The following CEP43 variants were observed in gnomAD, a reference collection of about 807,000 sequenced individuals.
CEP43 encodes the protein centrosomal protein 43, also known as FGFR1 oncogene partner.
In CEP43, 36 loss-of-function variants were observed where a neutral mutation model predicts 52.6. The observed-to-expected ratio is 0.68, with a 90% CI of 0.52 to 0.90. CEP43 has a LOEUF of 0.90. CEP43 is among the 40% of genes least tolerant of loss of function. The pLI is 0.00. For missense variants in CEP43, 506 were observed against 472.8 expected (o/e 1.07, Z -0.65); for synonymous variants, 192 against 172.4 (o/e 1.11, Z -0.89).
At chr6:167,004,554 A>G (rs574660861) in intron 5 of CEP43, among the ~76,000 whole-genome samples, 153 bp downstream of exon 5, 4 of 152,344 alleles carry the variant, frequency 2.6e-5, no homozygotes, top group African/African-American at 9.6e-5. Context: ...TATCAATGCA[A>G]ATTTTAATGA....
chr6:167,041,887 G>A lies in CEP43; in HGVS notation c.*1909G>A, dbSNP rs573629834. 1.3e-4 allele frequency: 111 copies of A among 826,724 alleles called. No homozygotes were observed. Among genetic ancestry groups the A allele is most frequent in the Middle Eastern group, 5.8e-4 (1 of 1,732 alleles). 51.2% of individuals were successfully genotyped at this position (826,724 alleles called of 1,614,324 possible). ...CACTCAGACTGGAGTACAGTGATGC[G>A]ATCTCGGCTCACTGCAACCTCCGCC... is the stretch of plus-strand genomic sequence containing the variant. On this transcript the variant is annotated 3_prime_UTR_variant, in exon 13 of 13. Coordinates refer to ENST00000366847, the MANE Select transcript of CEP43 (RefSeq NM_007045.4).
At chr6:167,003,701 A>G (rs764358287) in intron 3 of CEP43, 22 bp from the exon 4 acceptor site, 1 of 1,503,558 alleles carries the variant, frequency 6.7e-7, no homozygotes, top group Non-Finnish European at 9.2e-7. Context: ...TTGCTTACTT[A>G]CCTTTTTCTT....
At position 167,046,617 on chromosome 6, in the gene CEP43, C is replaced by G. The variant is rs114928703; in HGVS notation, c.*6639C>G. ...CTTCTGTCCACTCCACCTGCAGATG[C>G]AGAGGTGGCCCCATCCTGTGATGTG... On this transcript the variant is annotated 3_prime_UTR_variant, in exon 13 of 13. Coordinates refer to ENST00000366847, the MANE Select transcript of CEP43 (RefSeq NM_007045.4). 6 of 152,404 alleles carry G rather than the reference C, an allele frequency of 3.9e-5. No homozygotes were observed. Among genetic ancestry groups the G allele is most frequent in the African/African-American group, 1.4e-4 (6 of 41,600 alleles). 9.4% of individuals were successfully genotyped at this position (152,404 alleles called of 1,614,324 possible). A position where few individuals can be genotyped will look rare whatever the true frequency, so the allele number is the denominator to read the frequency against.
At chr6:167,006,795 G>A (rs1321083367) in intron 5 of CEP43, among the ~76,000 whole-genome samples, 1 of 152,168 alleles carries the variant, frequency 6.6e-6, no homozygotes, top group Admixed American at 6.5e-5. Flanking sequence ...TAAGTTCAGT[G>A]TAGTCTGCCT....
intron 2 of CEP43, among the ~76,000 whole-genome samples, chr6:167,002,881 C>T (rs1424737781): frequency 1.3e-5 from 2 of 152,196 alleles, no homozygotes; most frequent in Non-Finnish European, 2.9e-5. Flanking sequence ...AAACTTTTAT[C>T]AAACTTCATG....
rs1780030106 is a variant in CEP43 at position 167,013,581 on chromosome 6, G to A, written c.579+14G>A. The A allele has an allele frequency of 2.5e-6, 4 of 1,612,314 alleles. No individual in the cohort carries two copies. Among genetic ancestry groups the A allele is most frequent in the Middle Eastern group, 1.6e-4 (1 of 6,084 alleles). ...GCTGGTGACAAGGTAACATGCATGA[G>A]GGCAGAGGAGAAAAGCAGCCTGTGG... is the stretch of plus-strand genomic sequence containing the variant. On this transcript the variant is annotated intron_variant, in intron 7 of 12. Coordinates refer to ENST00000366847, the MANE Select transcript of CEP43 (RefSeq NM_007045.4).
At chr6:167,022,739 T>C in intron 8 of CEP43, 104 bp downstream of exon 8, 1 of 791,990 alleles carries the variant, frequency 1.3e-6, no homozygotes. Context: ...TTTATAATTA[T>C]TGGATCCATA....
intron 7 of CEP43, among the ~76,000 whole-genome samples, chr6:167,018,365 C>T (rs1780147844): frequency 6.6e-6 from 1 of 152,102 alleles, no homozygotes; most frequent in Non-Finnish European, 1.5e-5. Context: ...AGAATGAATT[C>T]TAAGGCATTG....
At chr6:167,011,640 G>A (rs1194855557) in intron 6 of CEP43, 1 of 152,698 alleles carries the variant, frequency 6.5e-6, no homozygotes, top group Non-Finnish European at 1.5e-5. Context: ...AGGCTGCCAA[G>A]TACCATAGAT....
chr6:167,016,207 T>G (rs890899332), intron 7 of CEP43, among the ~76,000 whole-genome samples: 3 of 152,238 alleles, frequency 2.0e-5, no homozygotes, highest in African/African-American at 7.2e-5. Flanking sequence ...CTCTTTATCA[T>G]TATATTAAAT....
At chr6:167,034,479 G>T (rs755246334) in intron 12 of CEP43, among the ~76,000 whole-genome samples, 1 of 152,210 alleles carries the variant, frequency 6.6e-6, no homozygotes, top group Admixed American at 6.5e-5. Flanking sequence ...TTTTATGTGG[G>T]TGGAGAACAG....
At chr6:167,027,365 TA>T (rs1160675121) in intron 10 of CEP43, among the ~76,000 whole-genome samples, 1 of 152,190 alleles carries the variant, frequency 6.6e-6, no homozygotes, top group Non-Finnish European at 1.5e-5. Context: ...CTCATTTATG[TA>T]AAGGCAAACT....
intron 8 of CEP43, among the ~76,000 whole-genome samples, chr6:167,023,059 G>T (rs1366142128): frequency 1.3e-5 from 2 of 152,144 alleles, no homozygotes; most frequent in African/African-American, 4.8e-5. Flanking sequence ...ATTGGAGGGG[G>T]CCTCACTTGG....
At position 167,013,549 on chromosome 6, in the gene CEP43, G is replaced by A. The variant is rs780264091; in HGVS notation, c.561G>A (p.Gly187=). Residue 187 remains glycine (G), a synonymous_variant, in exon 7 of 13, where the codon GGG becomes GGA. Transcript: ENST00000366847. The stretch of plus-strand genomic sequence containing the variant: ...GACAAGGTAAGAAGAAGACAAGCGG[G>A]CAGAAGGCTGGTGACAAGGTAACAT... ...YKGQGKKKTS[G]QKAGDKKAND... The A allele has an allele frequency of 6.2e-7, 1 of 1,613,788 alleles. No individual in the cohort carries two copies. The highest frequency in any genetic ancestry group is 8.5e-7 in the Non-Finnish European group (1 of 1,179,752).
At chr6:167,014,097 T>G (rs1780041866) in intron 7 of CEP43, among the ~76,000 whole-genome samples, 1 of 152,246 alleles carries the variant, frequency 6.6e-6, no homozygotes, top group Non-Finnish European at 1.5e-5. Flanking sequence ...AAAATTCCTG[T>G]TGTGTTGGCA....
chr6:167,015,790 A>G (rs1780083454), intron 7 of CEP43, among the ~76,000 whole-genome samples: 1 of 143,760 alleles, frequency 7.0e-6, no homozygotes, highest in African/African-American at 2.5e-5. Context: ...ATGTATAGTT[A>G]GAATTGATTT....
At chr6:167,019,277 CACAT>C (rs951887571) in intron 7 of CEP43, among the ~76,000 whole-genome samples, 1 of 150,468 alleles carries the variant, frequency 6.6e-6, no homozygotes, top group Non-Finnish European at 1.5e-5. Context: ...GCTGTGCACA[CACAT>C]ACACCTGCTG....
At chr6:167,023,107 A>G (rs1453038691) in intron 8 of CEP43, among the ~76,000 whole-genome samples, 1 of 152,076 alleles carries the variant, frequency 6.6e-6, no homozygotes, top group Non-Finnish European at 1.5e-5. Context: ...GAGGTAAGGG[A>G]GTTGCCGTGG....
intron 10 of CEP43, chr6:167,028,219 C>CTAT: frequency 1.0e-6 from 1 of 985,404 alleles, no homozygotes; most frequent in African/African-American, 1.7e-5. Context: ...TCTGACTGCT[C>CTAT]TATTCTCTTA....
Sources: gnomAD v4.1 joint callset for allele counts (sites outside exome capture counted in the v4.1 genomes callset) on GRCh38, gnomAD v4.1.1 for gene constraint, MANE v1.5 for transcripts, NCBI Gene and HGNC (gene_info 2026-07-23, HGNC 2026-07-21) for gene names.